Variants in SLF2 observed in about 807,000 individuals in gnomAD.
SLF2 encodes the protein SMC5/6 complex localization factor 2.
A neutral mutation model predicts 124.3 loss-of-function variants in SLF2; 68 were observed. The ratio of observed to expected loss-of-function variants is 0.55; its 90% CI spans 0.45 to 0.67. The LOEUF (loss-of-function observed/expected upper bound fraction) is 0.67, where lower values mean the gene tolerates loss of function less well. SLF2 is among the 30% of genes least tolerant of loss of function. SLF2 has a pLI of 0.00. For missense variants in SLF2, 1,246 were observed against 1,373.7 expected, an observed-to-expected ratio of 0.91 and a Z score of 1.47; for synonymous variants, 480 against 478.8, an observed-to-expected ratio of 1.00 and a Z score of -0.03.
chr10:100,927,557 A>C (rs562732038), intron 6 of SLF2, among the ~76,000 whole-genome samples: 1 of 152,300 alleles, frequency 6.6e-6, no homozygotes, highest in South Asian at 2.1e-4. Context: ...ACATGGGTAT[A>C]CAAATATCTC....
intron 18 of SLF2, among the ~76,000 whole-genome samples, chr10:100,959,183 C>T (rs777714360): frequency 6.6e-6 from 1 of 152,148 alleles, no homozygotes; most frequent in Non-Finnish European, 1.5e-5. Flanking sequence ...TCTTCAATAA[C>T]AGGAAAATTA....
Position 100,916,917 on chromosome 10 carries a change from T to C in SLF2, c.532T>C (p.Phe178Leu). Residue 178 changes from phenylalanine to leucine, a missense_variant, in exon 3 of 20, where the codon TTC becomes CTC. Around this residue, in one of 3 missense-constraint regions of SLF2, gnomAD observed 698 missense variants for 708.9 expected, o/e 0.98. Coordinates refer to ENST00000238961, the MANE Select transcript of SLF2 (RefSeq NM_018121.4). ...ATCCCCAGAGAGAAGGAAGTCACTA[T>C]TCATTCATGAAAATAATGAGAAGAA... ...HRSPERRKSL[F>L]IHENNEKNDR... The C allele has an allele frequency of 6.2e-7, 1 of 1,614,198 alleles. No homozygotes were observed. Among genetic ancestry groups the C allele is most frequent in the Non-Finnish European group, 8.5e-7 (1 of 1,180,046 alleles).
chr10:100,918,525 T>C, intron 4 of SLF2, 84 bp downstream of exon 4: 1 of 848,418 alleles, frequency 1.2e-6, no homozygotes, highest in Non-Finnish European at 1.9e-6. Flanking sequence ...TGTTTAAATA[T>C]GCAGTTCCCT....
chr10:100,918,451 A>C lies in SLF2; in HGVS notation c.973+10A>C. 5 of 1,545,294 alleles carry C rather than the reference A, an allele frequency of 3.2e-6. No homozygotes were observed. The highest frequency in any genetic ancestry group is 4.4e-6 in the Non-Finnish European group (5 of 1,141,602). ...TGGGAACCTACTTCAGGTAGAATCA[A>C]AATTAAATTTATGGATTTCTAAATA... On this transcript the variant is annotated intron_variant, in intron 4 of 19. Transcript: ENST00000238961.
In SLF2 at chr10:100,924,260, C is replaced by T; in HGVS notation, c.1259C>T (p.Thr420Ile). 6.2e-7 allele frequency: 1 copy of T among 1,614,078 alleles called. No individual in the cohort carries two copies. Among genetic ancestry groups the T allele is most frequent in the South Asian group, 1.1e-5 (1 of 91,084 alleles). ...SNSGNSGHHSTRNSDQIQVAG... is the reference protein window; with the variant it reads ...SNSGNSGHHSIRNSDQIQVAG... The stretch of plus-strand genomic sequence containing the variant: ...TCTGGCAATTCTGGCCACCATTCTA[C>T]CAGGAATAGTGACCAAATCCAAGTG... The change falls in exon 5 of 20, where the codon ACC becomes ATC. Residue 420 changes from threonine to isoleucine, a missense_variant. By Grantham distance (89) the Thr-to-Ile change is moderately conservative. Transcript: ENST00000238961.
intron 11 of SLF2, among the ~76,000 whole-genome samples, chr10:100,942,980 A>C (rs978135834): frequency 3.9e-5 from 5 of 129,534 alleles, no homozygotes; most frequent in Non-Finnish European, 6.2e-5. Flanking sequence ...TCTGAACTTT[A>C]GGGTATTTAT....
chr10:100,916,654 A>G lies in SLF2; in HGVS notation c.269A>G (p.Glu90Gly). ...TCTATCACTGGGACAGAGCAGTTTGAAAGGAAACTATCCTCACCAAAAGAA... is the reference window on the plus strand; with the variant it reads ...TCTATCACTGGGACAGAGCAGTTTGGAAGGAAACTATCCTCACCAAAAGAA... ...RLSITGTEQF[E>G]RKLSSPKESK... The change falls in exon 3 of 20, where the codon GAA (glutamate) becomes GGA (glycine). Residue 90 changes from glutamate (E) to glycine (G), a missense_variant. Physicochemically the swap from Glu to Gly is moderately conservative, Grantham distance 98 (BLOSUM62 -2). Around this residue, in one of 3 missense-constraint regions of SLF2, gnomAD observed 698 missense variants for 708.9 expected, o/e 0.98. Transcript: ENST00000238961. The G allele has an allele frequency of 6.6e-7, 1 of 1,523,512 alleles. No homozygotes were observed. Among genetic ancestry groups the G allele is most frequent in the Admixed American group, 2.3e-5 (1 of 43,428 alleles). The allele number at this position is 1,523,512 out of a possible 1,614,324, so 94.4% of individuals were successfully genotyped here. A position where few individuals can be genotyped will look rare whatever the true frequency, so the allele number is the denominator to read the frequency against.
At chr10:100,949,850 C>T (rs570074998) in intron 15 of SLF2, among the ~76,000 whole-genome samples, 1 of 152,110 alleles carries the variant, frequency 6.6e-6, no homozygotes, top group Non-Finnish European at 1.5e-5. Flanking sequence ...CCTCCCTTGG[C>T]CTCTGAAAGT....
intron 9 of SLF2, 103 bp downstream of exon 9, chr10:100,931,181 T>G: frequency 1.2e-6 from 1 of 846,368 alleles, no homozygotes; most frequent in Non-Finnish European, 1.9e-6. Context: ...AAAAAATTAA[T>G]GTAGCACATC....
At chr10:100,952,348 C>T (rs1189042289) in intron 17 of SLF2, among the ~76,000 whole-genome samples, 1 of 151,562 alleles carries the variant, frequency 6.6e-6, no homozygotes, top group East Asian at 1.9e-4. Flanking sequence ...TCGAGACCAG[C>T]CTGGCCAACA....
At chr10:100,957,330 A>ATTTTT (rs71013477) in intron 18 of SLF2, among the ~76,000 whole-genome samples, 5 of 91,860 alleles carry the variant, frequency 5.4e-5, no homozygotes, top group East Asian at 6.6e-4. Flanking sequence ...GGAGTCTTCA[A>ATTTTT]TTTTTTTTTT....
At chr10:100,959,653 T>G in intron 19 of SLF2, 157 bp downstream of exon 19, 3 of 1,288,930 alleles carry the variant, frequency 2.3e-6, no homozygotes, top group Non-Finnish European at 3.0e-6. Context: ...TTGTAATTTT[T>G]TTAGTTTTCG....
chr10:100,918,210 A>T (rs1849457945), intron 3 of SLF2, among the ~76,000 whole-genome samples, 174 bp from the exon 4 acceptor site: 1 of 152,236 alleles, frequency 6.6e-6, no homozygotes, highest in South Asian at 2.1e-4. Flanking sequence ...CTTAATTTTT[A>T]TGACAAAAAC....
At chr10:100,923,613 A>G (rs1029489169) in intron 4 of SLF2, among the ~76,000 whole-genome samples, 4 of 151,994 alleles carry the variant, frequency 2.6e-5, no homozygotes, top group Non-Finnish European at 5.9e-5. Flanking sequence ...GAAGTGTTAC[A>G]TTTCTGCAAC....
chr10:100,914,020 C>T (rs1024741841), intron 1 of SLF2: 17 of 433,558 alleles, frequency 3.9e-5, no homozygotes, highest in Non-Finnish European at 4.6e-5. Flanking sequence ...AAAACCAAAA[C>T]GTTTTCAGTA....
intron 17 of SLF2, among the ~76,000 whole-genome samples, chr10:100,954,923 A>C (rs1255921227): frequency 6.6e-6 from 1 of 150,910 alleles, no homozygotes; most frequent in African/African-American, 2.4e-5. Context: ...TCCAGCCTGG[A>C]TAACAAGGCA....
chr10:100,915,392 C>T (rs6584405), intron 1 of SLF2, among the ~76,000 whole-genome samples: 150,752 of 152,264 alleles, frequency 0.99, 74,637 homozygotes, highest in East Asian at 1. Context: ...CTTTTCTGCC[C>T]TTGTCCAGCA....
chr10:100,924,994 A>T, intron 5 of SLF2, 22 bp downstream of exon 5: 1 of 1,572,880 alleles, frequency 6.4e-7, no homozygotes, highest in Non-Finnish European at 8.6e-7. Context: ...TGTGACGTTT[A>T]TCTTTACTTG....
rs1219058785 is a variant in SLF2 at position 100,964,542 on chromosome 10, C to T, written c.*2630C>T. ...TTCTATCTCCTGATGGCAGTGGTGCCTTTGTCACCTTTTGGAAGGTTTGCA... is the reference window on the plus strand; with the variant it reads ...TTCTATCTCCTGATGGCAGTGGTGCTTTTGTCACCTTTTGGAAGGTTTGCA... On this transcript the variant is annotated 3_prime_UTR_variant, in exon 20 of 20. Coordinates refer to ENST00000238961, the MANE Select transcript of SLF2 (RefSeq NM_018121.4). The T allele has an allele frequency of 6.6e-6, 1 of 152,614 alleles. No individual in the cohort carries two copies. Among genetic ancestry groups the T allele is most frequent in the African/African-American group, 2.4e-5 (1 of 41,436 alleles). 9.5% of individuals were successfully genotyped at this position (152,614 alleles called of 1,614,324 possible).
Sources: allele counts gnomAD v4.1 joint callset (sites outside exome capture counted in the v4.1 genomes callset), GRCh38; gene constraint gnomAD v4.1.1; regional missense constraint gnomAD v4.1.1; transcripts MANE v1.5; gene names NCBI Gene and HGNC (gene_info 2026-07-23, HGNC 2026-07-21).